ZSWIM6: variants seen among roughly 807,000 people sequenced by gnomAD.
ZSWIM6 encodes zinc finger SWIM-type containing 6, also known as zinc finger SWIM domain-containing protein 6.
A neutral mutation model predicts 113.2 loss-of-function variants in ZSWIM6; 9 were observed. The ratio of observed to expected loss-of-function variants is 0.08; its 90% CI spans 0.05 to 0.14. The LOEUF is 0.14. ZSWIM6 is among the 10% of genes least tolerant of loss of function. The pLI is 1.00. For synonymous variants in ZSWIM6, 611 were observed against 606.5 expected (o/e 1.01, Z -0.11); for missense variants, 1,162 against 1,552.2 (o/e 0.75, Z 4.22).
At chr5:61,365,291 G>A (rs1245286355) in intron 1 of ZSWIM6, among the ~76,000 whole-genome samples, 2 of 151,900 alleles carry the variant, frequency 1.3e-5, no homozygotes, top group Non-Finnish European at 1.5e-5. Flanking sequence ...GGCAGAGGTT[G>A]CAGTGAGCTG....
intron 1 of ZSWIM6, among the ~76,000 whole-genome samples, chr5:61,454,925 A>ACAT (rs1747171606): frequency 6.7e-6 from 1 of 148,582 alleles, no homozygotes; most frequent in Non-Finnish European, 1.5e-5. Context: ...TGGCACCATC[A>ACAT]CATTCTCCAG....
intron 4 of ZSWIM6, among the ~76,000 whole-genome samples, chr5:61,503,959 T>A (rs1028069725): frequency 6.6e-6 from 1 of 152,160 alleles, no homozygotes; most frequent in East Asian, 1.9e-4. Context: ...TTTCCACTCC[T>A]TCCCAAAAAT....
At chr5:61,494,138 A>T in intron 3 of ZSWIM6, 122 bp from the exon 4 acceptor site, 1 of 1,083,368 alleles carries the variant, frequency 9.2e-7, no homozygotes, top group African/African-American at 1.6e-5. Context: ...ACACACACAC[A>T]CACACACGGA....
At chr5:61,511,566 G>T (rs376839857) in intron 4 of ZSWIM6, among the ~76,000 whole-genome samples, 2 of 152,102 alleles carry the variant, frequency 1.3e-5, no homozygotes, top group African/African-American at 4.8e-5. Flanking sequence ...CCTCGTGAAT[G>T]TGATTAGTGC....
intron 4 of ZSWIM6, among the ~76,000 whole-genome samples, chr5:61,498,269 C>T (rs1166991750): frequency 6.6e-6 from 1 of 152,134 alleles, no homozygotes; most frequent in East Asian, 1.9e-4. Context: ...ACTTAACTTT[C>T]TCTCGGAGCT....
intron 1 of ZSWIM6, among the ~76,000 whole-genome samples, chr5:61,386,468 A>G (rs1745594369): frequency 6.6e-6 from 1 of 152,048 alleles, no homozygotes; most frequent in Non-Finnish European, 1.5e-5. Flanking sequence ...CATTTTTTTT[A>G]TAACCACTTC....
At chr5:61,513,081 CAG>C (rs761830635) in intron 4 of ZSWIM6, among the ~76,000 whole-genome samples, 3 of 152,046 alleles carry the variant, frequency 2.0e-5, no homozygotes, top group Non-Finnish European at 2.9e-5. Context: ...AAGTATCAAA[CAG>C]AGTAGTTTCA....
At chr5:61,530,958 C>T (rs1257114810) in intron 8 of ZSWIM6, among the ~76,000 whole-genome samples, 1 of 152,132 alleles carries the variant, frequency 6.6e-6, no homozygotes, top group African/African-American at 2.4e-5. Flanking sequence ...AATAGAAGCA[C>T]TTTAATGGAG....
chr5:61,375,757 G>C, intron 1 of ZSWIM6: 1 of 1,531,870 alleles, frequency 6.5e-7, no homozygotes, highest in Non-Finnish European at 8.8e-7. Flanking sequence ...TGAAGAACGA[G>C]AAAAAGCAAC....
At chr5:61,537,548 A>G (rs1749612002) in intron 10 of ZSWIM6, among the ~76,000 whole-genome samples, 1 of 140,368 alleles carries the variant, frequency 7.1e-6, no homozygotes, top group Non-Finnish European at 1.5e-5. Flanking sequence ...GAATACGAGG[A>G]TATTCTGAGT....
At chr5:61,346,768 C>T (rs4604142) in intron 1 of ZSWIM6, among the ~76,000 whole-genome samples, 89,544 of 152,024 alleles carry the variant, frequency 0.59, 29,011 homozygotes, top group African/African-American at 0.87. Context: ...TAGCAACTTA[C>T]TAAAGAGGCA....
At chr5:61,486,953 A>G (rs1748035476) in intron 2 of ZSWIM6, among the ~76,000 whole-genome samples, 1 of 151,680 alleles carries the variant, frequency 6.6e-6, no homozygotes, top group Non-Finnish European at 1.5e-5. Flanking sequence ...CCATTTCTCT[A>G]TTTTTGTTTC....
At chr5:61,509,180 T>C (rs1748708333) in intron 4 of ZSWIM6, among the ~76,000 whole-genome samples, 1 of 152,164 alleles carries the variant, frequency 6.6e-6, no homozygotes, top group African/African-American at 2.4e-5. Context: ...AACACAGTCT[T>C]AGAGTATTAT....
At chr5:61,371,008 A>AGTG (rs1745251498) in intron 1 of ZSWIM6, among the ~76,000 whole-genome samples, 1 of 152,194 alleles carries the variant, frequency 6.6e-6, no homozygotes, top group Non-Finnish European at 1.5e-5. Context: ...GGAGGGCCAT[A>AGTG]GTGGTGGACA....
At chr5:61,540,474 C>T (rs926936238) in intron 12 of ZSWIM6, among the ~76,000 whole-genome samples, 2 of 152,098 alleles carry the variant, frequency 1.3e-5, no homozygotes, top group African/African-American at 4.8e-5. Flanking sequence ...GGAGTATAAT[C>T]CCCTGATTGG....
At chr5:61,453,261 T>C (rs1580003797) in intron 1 of ZSWIM6, among the ~76,000 whole-genome samples, 1 of 152,314 alleles carries the variant, frequency 6.6e-6, no homozygotes, top group African/African-American at 2.4e-5. Flanking sequence ...CGTGCTATTT[T>C]GAAGTATTAT....
chr5:61,489,109 T>A (rs899726531), intron 2 of ZSWIM6, among the ~76,000 whole-genome samples: 4 of 152,028 alleles, frequency 2.6e-5, no homozygotes, highest in Non-Finnish European at 5.9e-5. Context: ...AGACTGCCTT[T>A]TATTTCTTCC....
chr5:61,382,176 C>T (rs1345523131), intron 1 of ZSWIM6, among the ~76,000 whole-genome samples: 1 of 152,166 alleles, frequency 6.6e-6, no homozygotes, highest in Admixed American at 6.5e-5. Context: ...TGCCGATTCT[C>T]TCCACACATA....
intron 3 of ZSWIM6, among the ~76,000 whole-genome samples, chr5:61,491,455 C>T (rs1053594343): frequency 3.9e-5 from 6 of 151,952 alleles, no homozygotes; most frequent in African/African-American, 1.4e-4. Flanking sequence ...TTTTCTCATT[C>T]AGAAAATTAG....
Sources: gnomAD v4.1 joint callset for allele counts (sites outside exome capture counted in the v4.1 genomes callset) on GRCh38, gnomAD v4.1.1 for gene constraint, MANE v1.5 for transcripts, NCBI Gene and HGNC (gene_info 2026-07-23, HGNC 2026-07-21) for gene names.